AP1G1: variants seen among roughly 807,000 people sequenced by gnomAD.
AP1G1 encodes AP-1 complex subunit gamma-1.
AP1G1 carries 7 observed loss-of-function variants against 108.3 expected under a neutral mutation model. The ratio of observed to expected loss-of-function variants is 0.06; its 90% CI spans 0.04 to 0.12. The LOEUF (loss-of-function observed/expected upper bound fraction) is 0.12, where lower values mean the gene tolerates loss of function less well. AP1G1 is among the 10% of genes least tolerant of loss of function. The probability of loss-of-function intolerance (pLI) is 1.00; values close to 1 mark genes in which losing one functional copy is unlikely to be tolerated. For synonymous variants in AP1G1, 379 were observed against 353.5 expected, an observed-to-expected ratio of 1.07 and a Z score of -0.81; for missense variants, 756 against 1,010.7, an observed-to-expected ratio of 0.75 and a Z score of 3.42.
chr16:71,762,668 G>A (rs2031143768), intron 9 of AP1G1, among the ~76,000 whole-genome samples: 1 of 152,188 alleles, frequency 6.6e-6, no homozygotes, highest in African/African-American at 2.4e-5. Context: ...CATCTGGAGA[G>A]GGTATGGAAG....
At chr16:71,733,680 T>C (rs2045498100) in intron 22 of AP1G1, among the ~76,000 whole-genome samples, 1 of 152,136 alleles carries the variant, frequency 6.6e-6, no homozygotes, top group Non-Finnish European at 1.5e-5. Flanking sequence ...TAGTAACATT[T>C]TGCTGAGTCC....
chr16:71,792,098 G>C (rs2032424379), intron 1 of AP1G1, among the ~76,000 whole-genome samples: 1 of 152,062 alleles, frequency 6.6e-6, no homozygotes, highest in Non-Finnish European at 1.5e-5. Flanking sequence ...GCTGAAGGTA[G>C]TCTCACCTCA....
chr16:71,789,222 C>G, intron 2 of AP1G1, 57 bp downstream of exon 2: 1 of 1,493,392 alleles, frequency 6.7e-7, no homozygotes, highest in Non-Finnish European at 9.2e-7. Flanking sequence ...GATGGACAAT[C>G]CCTGAGCAAC....
At chr16:71,785,310 C>T (rs1447648023) in intron 2 of AP1G1, among the ~76,000 whole-genome samples, 2 of 152,162 alleles carry the variant, frequency 1.3e-5, no homozygotes, top group African/African-American at 2.4e-5. Flanking sequence ...GGTGTGGTGG[C>T]TCACACCTGT....
chr16:71,745,253 A>G lies in AP1G1; in HGVS notation c.1890T>C (p.Asp630=). The G allele has an allele frequency of 6.2e-7, 1 of 1,614,214 alleles. No homozygotes were observed. Among genetic ancestry groups the G allele is most frequent in the Non-Finnish European group, 8.5e-7 (1 of 1,180,038 alleles). Residue 630 remains aspartate, a synonymous_variant, in exon 19 of 23, where the codon GAT becomes GAC. Coordinates refer to ENST00000299980, the MANE Select transcript of AP1G1 (RefSeq NM_001128.6). ...GTGTTATGTCATTTCCTCCCAACAA[A>G]TCCAATAAATCATTGGCCTAAACAA... ...QPTSQANDLL[D]LLGGNDITPV... is the part of the protein sequence containing the mutation.
chr16:71,753,093 CTT>C (rs1216547454), intron 13 of AP1G1, among the ~76,000 whole-genome samples: 1 of 152,056 alleles, frequency 6.6e-6, no homozygotes, highest in African/African-American at 2.4e-5. Flanking sequence ...AAATTTGTGG[CTT>C]TTCCTTTACA....
intron 19 of AP1G1, among the ~76,000 whole-genome samples, chr16:71,741,959 C>A (rs2029891336): frequency 6.6e-6 from 1 of 152,156 alleles, no homozygotes; most frequent in Non-Finnish European, 1.5e-5. Context: ...TTTAAAAACA[C>A]ATGTTAAATC....
chr16:71,808,581 A>G, intron 1 of AP1G1, 182 bp downstream of exon 1: 1 of 1,289,296 alleles, frequency 7.8e-7, no homozygotes, highest in Non-Finnish European at 1.0e-6. Flanking sequence ...TCGGCCCTCC[A>G]GAAGTCGGAG....
intron 21 of AP1G1, 109 bp from the exon 22 acceptor site, chr16:71,734,816 C>A: frequency 1.2e-6 from 1 of 850,800 alleles, no homozygotes; most frequent in Non-Finnish European, 2.0e-6. Flanking sequence ...ACAGATTTCA[C>A]TACTACTAAG....
intron 2 of AP1G1, among the ~76,000 whole-genome samples, chr16:71,788,111 C>A (rs1186323004): frequency 6.6e-6 from 1 of 152,142 alleles, no homozygotes; most frequent in East Asian, 1.9e-4. Flanking sequence ...AAACCCAAGT[C>A]AGTCTGATAA....
chr16:71,768,171 G>T (rs1280277131), intron 6 of AP1G1, among the ~76,000 whole-genome samples: 3 of 123,654 alleles, frequency 2.4e-5, no homozygotes, highest in Non-Finnish European at 4.9e-5. Context: ...AAACAGAAAT[G>T]TCCAGTTTAA....
intron 1 of AP1G1, among the ~76,000 whole-genome samples, chr16:71,801,002 A>AG (rs1475423958): frequency 6.6e-6 from 1 of 151,984 alleles, no homozygotes; most frequent in Admixed American, 6.6e-5. Context: ...TCTCAAAAAA[A>AG]CAAAACAAAA....
At chr16:71,772,747 C>CAATA (rs1305551084) in intron 4 of AP1G1, among the ~76,000 whole-genome samples, 8 of 152,202 alleles carry the variant, frequency 5.3e-5, no homozygotes, top group African/African-American at 1.9e-4. Flanking sequence ...TTTAAAAACT[C>CAATA]AATAAAATGC....
At chr16:71,796,551 T>G (rs1484780888) in intron 1 of AP1G1, among the ~76,000 whole-genome samples, 2 of 152,168 alleles carry the variant, frequency 1.3e-5, no homozygotes, top group Non-Finnish European at 2.9e-5. Flanking sequence ...ACAGTATTAT[T>G]ATAACTTACA....
At chr16:71,771,606 T>C (rs1597065870) in intron 4 of AP1G1, among the ~76,000 whole-genome samples, 4 of 152,228 alleles carry the variant, frequency 2.6e-5, no homozygotes, top group Non-Finnish European at 4.4e-5. Context: ...AGAGATCTTC[T>C]AGTTCACCTC....
chr16:71,760,305 G>T (rs1477526903), intron 10 of AP1G1, among the ~76,000 whole-genome samples: 1 of 151,422 alleles, frequency 6.6e-6, no homozygotes, highest in Non-Finnish European at 1.5e-5. Flanking sequence ...CACTTCAGGA[G>T]GACAAGGTGG....
chr16:71,794,986 A>C (rs919005518), intron 1 of AP1G1, among the ~76,000 whole-genome samples: 12 of 152,024 alleles, frequency 7.9e-5, no homozygotes, highest in African/African-American at 2.9e-4. Flanking sequence ...TATTTATTAA[A>C]TCCTAAATGC....
At chr16:71,800,227 C>T (rs1305642350) in intron 1 of AP1G1, among the ~76,000 whole-genome samples, 2 of 144,320 alleles carry the variant, frequency 1.4e-5, no homozygotes, top group East Asian at 4.1e-4. Context: ...AAAAATTAGC[C>T]GGGTGTGGTG....
At position 71,745,554 on chromosome 16, in the gene AP1G1, C is replaced by A. The variant is rs2030128971; in HGVS notation, c.1791G>T (p.Glu597Asp). Residue 597 changes from glutamate (E) to aspartate (D), a missense_variant, in exon 18 of 23, where the codon GAG becomes GAT. Glu to Asp is a conservative substitution (Grantham distance 45). This residue lies in a region of AP1G1 where 357 missense variants were observed against 366.5 expected (regional missense o/e 0.97). Transcript: ENST00000299980. ...MEKVTTNGPT[E>D]IVQTNGETEP... ...CTGTCTCTCCATTTGTCTGCACAAT[C>A]TCAGTAGGGCCATTTGTGGTCACTT... 1 of 1,614,082 alleles carries A rather than the reference C, an allele frequency of 6.2e-7. No individual in the cohort carries two copies. The highest frequency in any genetic ancestry group is 1.1e-5 in the South Asian group (1 of 91,094).
Sources: gnomAD v4.1 joint callset for allele counts (sites outside exome capture counted in the v4.1 genomes callset) on GRCh38, gnomAD v4.1.1 for gene constraint, gnomAD v4.1.1 regional missense constraint, MANE v1.5 for transcripts, NCBI Gene and HGNC (gene_info 2026-07-23, HGNC 2026-07-21) for gene names.